Variants in CDK14 observed in about 807,000 individuals in gnomAD.
The protein encoded by CDK14 is cyclin-dependent kinase 14.
Under a neutral mutation model 60.7 loss-of-function variants are expected in CDK14, and 34 were observed. The observed-to-expected ratio is 0.56, with a 90% CI of 0.43 to 0.75. CDK14 has a LOEUF of 0.75. CDK14 is among the 30% of genes least tolerant of loss of function. The pLI, the probability that CDK14 is intolerant of heterozygous loss-of-function variation, is 0.00. For synonymous variants in CDK14, 197 were observed against 203.7 expected, an observed-to-expected ratio of 0.97 and a Z score of 0.28; for missense variants, 482 against 564.1, an observed-to-expected ratio of 0.85 and a Z score of 1.47.
chr7:90,835,735 C>T (rs976375505), intron 5 of CDK14, among the ~76,000 whole-genome samples: 2 of 152,110 alleles, frequency 1.3e-5, no homozygotes, highest in African/African-American at 4.8e-5. Flanking sequence ...TTAAGTCCTG[C>T]ATCACTTAAT....
At chr7:90,808,891 T>C (rs530797465) in intron 5 of CDK14, among the ~76,000 whole-genome samples, 1 of 152,106 alleles carries the variant, frequency 6.6e-6, no homozygotes, top group East Asian at 1.9e-4. Context: ...TAATGAATGG[T>C]AAAGGGATCA....
At chr7:90,734,181 T>A (rs1802990623) in intron 3 of CDK14, among the ~76,000 whole-genome samples, 1 of 152,216 alleles carries the variant, frequency 6.6e-6, no homozygotes, top group Non-Finnish European at 1.5e-5. Flanking sequence ...GAGATCTGCT[T>A]TTAGTCTGAT....
At chr7:90,944,352 G>A (rs1380480797) in intron 8 of CDK14, among the ~76,000 whole-genome samples, 1 of 152,204 alleles carries the variant, frequency 6.6e-6, no homozygotes, top group Non-Finnish European at 1.5e-5. Flanking sequence ...CATACTAGGT[G>A]GTTGTCCTTG....
chr7:90,973,193 G>A (rs1794976757), intron 9 of CDK14, among the ~76,000 whole-genome samples: 1 of 152,108 alleles, frequency 6.6e-6, no homozygotes, highest in African/African-American at 2.4e-5. Flanking sequence ...AGATGGCTCT[G>A]AAGGGCTCTA....
intron 8 of CDK14, among the ~76,000 whole-genome samples, chr7:90,928,887 G>A (rs1347132495): frequency 6.6e-6 from 1 of 152,184 alleles, no homozygotes; most frequent in African/African-American, 2.4e-5. Flanking sequence ...TGAGCTTCCT[G>A]GCTGCTTTGT....
At chr7:91,060,656 T>C (rs992655338) in intron 11 of CDK14, among the ~76,000 whole-genome samples, 6 of 152,216 alleles carry the variant, frequency 3.9e-5, no homozygotes, top group South Asian at 2.1e-4. Context: ...CCTTCACTTA[T>C]GAAACTTAGT....
At chr7:91,035,545 C>G (rs1382767381) in intron 10 of CDK14, among the ~76,000 whole-genome samples, 2 of 151,952 alleles carry the variant, frequency 1.3e-5, no homozygotes, top group African/African-American at 4.8e-5. Flanking sequence ...TCCAGTCAGC[C>G]CAATGGGACA....
At chr7:91,129,249 C>T (rs1283463845) in intron 14 of CDK14, among the ~76,000 whole-genome samples, 1 of 152,180 alleles carries the variant, frequency 6.6e-6, no homozygotes, top group Non-Finnish European at 1.5e-5. Flanking sequence ...GAGGGTAAAA[C>T]TGCTGGCTCC....
At chr7:91,008,942 A>G (rs1178898122) in intron 10 of CDK14, among the ~76,000 whole-genome samples, 1 of 152,154 alleles carries the variant, frequency 6.6e-6, no homozygotes, top group Non-Finnish European at 1.5e-5. Context: ...AATCATCACC[A>G]CATTCAAGAT....
At chr7:90,697,923 C>T (rs1339060091) in intron 2 of CDK14, among the ~76,000 whole-genome samples, 1 of 151,802 alleles carries the variant, frequency 6.6e-6, no homozygotes, top group East Asian at 1.9e-4. Flanking sequence ...AAAAAATTAG[C>T]TGGGCATGGT....
chr7:90,653,403 C>T (rs532648069), intron 2 of CDK14, among the ~76,000 whole-genome samples: 51 of 152,108 alleles, frequency 3.4e-4, no homozygotes, highest in Non-Finnish European at 5.9e-5. Context: ...TAGCTCTTCT[C>T]CATTAGATTC....
chr7:90,760,546 G>A (rs1212840280), intron 4 of CDK14, among the ~76,000 whole-genome samples: 4 of 152,184 alleles, frequency 2.6e-5, no homozygotes, highest in East Asian at 1.9e-4. Flanking sequence ...AAGCTCTGCT[G>A]TAGGATGCTC....
intron 6 of CDK14, among the ~76,000 whole-genome samples, chr7:90,874,775 G>A (rs972236045): frequency 4.0e-5 from 6 of 150,976 alleles, no homozygotes; most frequent in South Asian, 2.1e-4. Flanking sequence ...TGATCCATCC[G>A]CCTCGGCCTC....
chr7:90,738,612 A>G (rs946626236), intron 3 of CDK14, among the ~76,000 whole-genome samples: 1 of 152,218 alleles, frequency 6.6e-6, no homozygotes, highest in African/African-American at 2.4e-5. Flanking sequence ...AGTGTCTGTT[A>G]GAAATTGCTG....
chr7:91,188,072 A>C (rs1002855305), intron 14 of CDK14, among the ~76,000 whole-genome samples: 4 of 152,202 alleles, frequency 2.6e-5, no homozygotes, highest in African/African-American at 9.7e-5. Context: ...ATTAGAAAAG[A>C]AAATTATTTG....
chr7:91,173,834 C>T (rs1801619922), intron 14 of CDK14, among the ~76,000 whole-genome samples: 1 of 152,176 alleles, frequency 6.6e-6, no homozygotes, highest in East Asian at 1.9e-4. Flanking sequence ...TGATTGCTAG[C>T]ACAGCAGTCT....
chr7:90,850,836 G>A (rs1584043986), intron 5 of CDK14, among the ~76,000 whole-genome samples: 1 of 152,128 alleles, frequency 6.6e-6, no homozygotes, highest in Non-Finnish European at 1.5e-5. Context: ...TTCAAAAGCT[G>A]ATTTGAGCAG....
intron 10 of CDK14, among the ~76,000 whole-genome samples, chr7:90,992,856 T>C (rs1795578413): frequency 6.6e-6 from 1 of 152,208 alleles, no homozygotes; most frequent in Admixed American, 6.5e-5. Flanking sequence ...TTTCTGTATA[T>C]GTTACAATTC....
chr7:91,167,466 A>G (rs1449071010), intron 14 of CDK14, among the ~76,000 whole-genome samples: 1 of 152,202 alleles, frequency 6.6e-6, no homozygotes, highest in Non-Finnish European at 1.5e-5. Flanking sequence ...TGCTTTGGAC[A>G]TGGCAGCCAT....
Sources: gnomAD v4.1 joint callset for allele counts (sites outside exome capture counted in the v4.1 genomes callset) on GRCh38, gnomAD v4.1.1 for gene constraint, MANE v1.5 for transcripts, NCBI Gene and HGNC (gene_info 2026-07-23, HGNC 2026-07-21) for gene names.